ATF7: variants seen among roughly 807,000 people sequenced by gnomAD.
ATF7 encodes the protein activating transcription factor 7.
In ATF7, 10 loss-of-function variants were observed where a neutral mutation model predicts 50.4. That is an observed-to-expected ratio of 0.20 (90% CI 0.12 to 0.34). ATF7 has a LOEUF of 0.34. ATF7 is among the 10% of genes least tolerant of loss of function. The pLI is 1.00. For missense variants in ATF7, 465 were observed against 613.9 expected, an observed-to-expected ratio of 0.76 and a Z score of 2.56; for synonymous variants, 201 against 226.4, an observed-to-expected ratio of 0.89 and a Z score of 1.01.
chr12:53,523,888 G>A (rs998062657), intron 10 of ATF7, among the ~76,000 whole-genome samples: 1 of 152,068 alleles, frequency 6.6e-6, no homozygotes, highest in Non-Finnish European at 1.5e-5. Flanking sequence ...CTGTTAACCT[G>A]CTTATGTTAA....
rs559475985 is a variant in ATF7, at chr12:53,527,927, C to T, written c.928-3166G>A. Among the ~76,000 whole-genome samples the T allele has an allele frequency of 3.9e-5, 6 of 152,014 alleles. No individual in the cohort carries two copies. The South Asian group carries it at 1.2e-3, about 32-fold the overall frequency. On this transcript the variant is annotated intron_variant, in intron 9 of 11. Transcript: ENST00000420353. Reference sequence around the variant, plus strand: ...TGCAATCTTGGCTCACTGTAACCTCCACCTCCCAGGTTCAAGCAATTCTCC... The same window carrying T: ...TGCAATCTTGGCTCACTGTAACCTCTACCTCCCAGGTTCAAGCAATTCTCC...
chr12:53,553,843 C>A lies in ATF7; in HGVS notation c.49-1206G>T, dbSNP rs548060690. Among the ~76,000 whole-genome samples the A allele has an allele frequency of 3.3e-4, 50 of 152,300 alleles. 1 individual carries two copies. In the South Asian group the frequency reaches 1.0e-2, roughly 30 times the overall value. ...CACCAAATACTATACGTTTAGCCTT[C>A]TTTTCCAAAGCTCTTCTTGACTGCA... On this transcript the variant is annotated intron_variant, in intron 2 of 11. Coordinates refer to ENST00000420353, the MANE Select transcript of ATF7 (RefSeq NM_006856.3).
chr12:53,614,574 G>A (rs112781177), intron 1 of ATF7, among the ~76,000 whole-genome samples: 4,857 of 152,206 alleles, frequency 0.032, 270 homozygotes, highest in African/African-American at 0.11. Context: ...TTCTGGATAG[G>A]AAATAGCTGC....
intron 1 of ATF7, among the ~76,000 whole-genome samples, chr12:53,607,708 G>A (rs1943672703): frequency 6.6e-6 from 1 of 151,878 alleles, no homozygotes; most frequent in African/African-American, 2.4e-5. Context: ...CTACAGAAAA[G>A]CAAACAAAAT....
chr12:53,587,870 G>A (rs1448258270), intron 2 of ATF7, among the ~76,000 whole-genome samples: 15 of 66,280 alleles, frequency 2.3e-4, no homozygotes, highest in East Asian at 1.4e-3. Flanking sequence ...TTTTTGACAC[G>A]AAGTCTTGCT....
intron 2 of ATF7, among the ~76,000 whole-genome samples, chr12:53,586,037 A>G (rs1421613850): frequency 6.6e-6 from 1 of 152,234 alleles, no homozygotes; most frequent in East Asian, 1.9e-4. Context: ...CATAACTGAA[A>G]GTACAAACCT....
chr12:53,542,459 C>T (rs1220837856), intron 4 of ATF7, among the ~76,000 whole-genome samples: 2 of 151,976 alleles, frequency 1.3e-5, no homozygotes, highest in Non-Finnish European at 2.9e-5. Context: ...TAGGGTCTCA[C>T]TCTGTCACCC....
intron 3 of ATF7, among the ~76,000 whole-genome samples, chr12:53,544,561 A>G (rs1187600987): frequency 6.6e-6 from 1 of 152,152 alleles, no homozygotes; most frequent in Admixed American, 6.6e-5. Flanking sequence ...AGCCTGGCCA[A>G]CATGGTGAAA....
chr12:53,618,049 T>A (rs2137924079), intron 1 of ATF7, among the ~76,000 whole-genome samples: 1 of 152,342 alleles, frequency 6.6e-6, no homozygotes, highest in Non-Finnish European at 1.5e-5. Context: ...ATTTTTAAGA[T>A]ATAAAATGAC....
chr12:53,558,651 T>C (rs1157988071), intron 2 of ATF7, among the ~76,000 whole-genome samples: 2 of 152,142 alleles, frequency 1.3e-5, no homozygotes, highest in East Asian at 1.9e-4. Context: ...AAAAAGATAA[T>C]ATAGAAGAAG....
At chr12:53,579,383 C>T (rs530671522) in intron 2 of ATF7, among the ~76,000 whole-genome samples, 2 of 152,092 alleles carry the variant, frequency 1.3e-5, no homozygotes, top group African/African-American at 4.8e-5. Context: ...GAAATGCCAT[C>T]TCTACTAAAA....
intron 2 of ATF7, among the ~76,000 whole-genome samples, chr12:53,553,775 G>A (rs1181147350): frequency 6.6e-6 from 1 of 152,078 alleles, no homozygotes; most frequent in Non-Finnish European, 1.5e-5. Context: ...ATGGTGATTG[G>A]TTAGTCGTCT....
At chr12:53,538,231 C>T (rs1473000169) in intron 4 of ATF7, among the ~76,000 whole-genome samples, 1 of 152,156 alleles carries the variant, frequency 6.6e-6, no homozygotes, top group Non-Finnish European at 1.5e-5. Flanking sequence ...CCTGAATCTG[C>T]TGGCCACTGG....
chr12:53,587,843 A>ATTTTTTT (rs201692852), intron 2 of ATF7, among the ~76,000 whole-genome samples: 3 of 61,564 alleles, frequency 4.9e-5, no homozygotes, highest in African/African-American at 1.5e-4. Context: ...ATATATATAT[A>ATTTTTTT]TTTTTTTTTT....
intron 9 of ATF7, among the ~76,000 whole-genome samples, chr12:53,525,539 T>C (rs1263218017): frequency 6.6e-6 from 1 of 152,228 alleles, no homozygotes; most frequent in African/African-American, 2.4e-5. Flanking sequence ...AATGTTCTTA[T>C]CCATTTCACT....
chr12:53,574,263 T>C (rs1466511818), intron 2 of ATF7, among the ~76,000 whole-genome samples: 1 of 152,148 alleles, frequency 6.6e-6, no homozygotes, highest in Non-Finnish European at 1.5e-5. Context: ...ACTTTTAGGC[T>C]CCTGAACACA....
At chr12:53,552,028 CTAAA>C (rs1331647870) in intron 3 of ATF7, among the ~76,000 whole-genome samples, 3 of 152,162 alleles carry the variant, frequency 2.0e-5, no homozygotes, top group Non-Finnish European at 2.9e-5. Context: ...GTCCCACTGA[CTAAA>C]TGTCTTGTTT....
intron 2 of ATF7, among the ~76,000 whole-genome samples, chr12:53,578,246 T>C (rs1459554367): frequency 6.6e-6 from 1 of 151,594 alleles, no homozygotes; most frequent in Non-Finnish European, 1.5e-5. Flanking sequence ...TCCTGGCGTG[T>C]ACCTATAGTC....
chr12:53,557,284 C>T (rs1231361639), intron 2 of ATF7, among the ~76,000 whole-genome samples: 3 of 152,184 alleles, frequency 2.0e-5, no homozygotes, highest in African/African-American at 4.8e-5. Flanking sequence ...TCATTGCAAC[C>T]TCTGCCCTCC....
Sources: allele counts gnomAD v4.1 joint callset (sites outside exome capture counted in the v4.1 genomes callset), GRCh38; gene constraint gnomAD v4.1.1; transcripts MANE v1.5; gene names NCBI Gene and HGNC (gene_info 2026-07-23, HGNC 2026-07-21).